FRMPD2: variants seen among roughly 807,000 people sequenced by gnomAD.
FRMPD2 encodes FERM and PDZ domain-containing protein 2.
FRMPD2 carries 96 observed loss-of-function variants against 140.1 expected under a neutral mutation model. That is an observed-to-expected ratio of 0.69 (90% confidence interval 0.58 to 0.81). The LOEUF is 0.81. Ranked by LOEUF, FRMPD2 falls within the 40% of genes least tolerant of loss-of-function variation. The pLI is 0.00. For synonymous variants in FRMPD2, 449 were observed against 547.6 expected, an observed-to-expected ratio of 0.82 and a Z score of 2.52; for missense variants, 1,240 against 1,447.4, an observed-to-expected ratio of 0.86 and a Z score of 2.32.
intron 12 of FRMPD2, among the ~76,000 whole-genome samples, chr10:48,218,191 G>A (rs1839496404): frequency 6.6e-6 from 1 of 152,120 alleles, no homozygotes; most frequent in South Asian, 2.1e-4. Flanking sequence ...TTGGATTAGG[G>A]CCCACCCTAA....
intron 12 of FRMPD2, among the ~76,000 whole-genome samples, chr10:48,218,064 G>A (rs894647841): frequency 2.0e-5 from 3 of 152,184 alleles, no homozygotes; most frequent in African/African-American, 7.2e-5. Context: ...TCTCTCCTTG[G>A]CTTGCAGAAA....
intron 11 of FRMPD2, 92 bp from the exon 12 acceptor site, chr10:48,222,543 A>G (rs1839626663): frequency 7.3e-7 from 1 of 1,365,942 alleles, no homozygotes; most frequent in African/African-American, 1.4e-5. Flanking sequence ...GGAAGTTGGA[A>G]AAGTAGGGAA....
At chr10:48,185,867 C>T (rs1838672787) in intron 17 of FRMPD2, among the ~76,000 whole-genome samples, 1 of 152,206 alleles carries the variant, frequency 6.6e-6, no homozygotes, top group African/African-American at 2.4e-5. Flanking sequence ...CTCAGTGTTG[C>T]TCAAGTTCCA....
chr10:48,197,380 C>T (rs564632624), intron 15 of FRMPD2, among the ~76,000 whole-genome samples: 24 of 152,222 alleles, frequency 1.6e-4, no homozygotes, highest in South Asian at 2.1e-4. Context: ...ACCTACAGTA[C>T]GGTCTGTGTG....
intron 2 of FRMPD2, 113 bp from the exon 3 acceptor site, chr10:48,249,291 G>T: frequency 1.1e-6 from 1 of 939,988 alleles, no homozygotes; most frequent in Non-Finnish European, 1.6e-6. Flanking sequence ...CTGAATGTGA[G>T]CAAGACCCAG....
In FRMPD2 at chr10:48,232,861, A is replaced by G. The variant is rs896398076; in HGVS notation, c.994-572T>C. 2.0e-5 allele frequency among the ~76,000 whole-genome samples: 3 copies of G among 152,060 alleles called. No homozygotes were observed. The South Asian group carries it at 6.2e-4, about 32-fold the overall frequency. ...TCCAGAGTCTGCCTTCTGCCTCTTC[A>G]TCTCCCACCACAGCCCCACCCAGAC... is the stretch of plus-strand genomic sequence containing the variant. On this transcript the variant is annotated intron_variant, in intron 9 of 28. Coordinates refer to ENST00000374201, the MANE Select transcript of FRMPD2 (RefSeq NM_001018071.4).
chr10:48,187,753 C>T (rs1469578159), intron 16 of FRMPD2, among the ~76,000 whole-genome samples: 1 of 152,144 alleles, frequency 6.6e-6, no homozygotes, highest in Non-Finnish European at 1.5e-5. Flanking sequence ...TCAGGCAGGC[C>T]AGGCACCCTC....
intron 3 of FRMPD2, among the ~76,000 whole-genome samples, 190 bp from the exon 4 acceptor site, chr10:48,245,039 C>A (rs984819978): frequency 3.3e-5 from 5 of 152,184 alleles, no homozygotes; most frequent in Non-Finnish European, 7.3e-5. Context: ...TGCTTTCTAG[C>A]AGAAACCATG....
intron 6 of FRMPD2, 91 bp downstream of exon 6, chr10:48,240,269 T>C (rs985382666): frequency 3.3e-5 from 47 of 1,411,644 alleles, no homozygotes; most frequent in African/African-American, 8.5e-5. Context: ...TTCTCTGCCA[T>C]CACAATGTGG....
At chr10:48,193,908 C>T (rs780487809) in intron 15 of FRMPD2, among the ~76,000 whole-genome samples, 10 of 151,952 alleles carry the variant, frequency 6.6e-5, no homozygotes, top group Non-Finnish European at 1.0e-4. Context: ...AAAAGCCAGC[C>T]TTTTAAAAAA....
intron 16 of FRMPD2, among the ~76,000 whole-genome samples, chr10:48,190,378 G>C (rs1342412853): frequency 6.6e-6 from 1 of 152,174 alleles, no homozygotes; most frequent in African/African-American, 2.4e-5. Flanking sequence ...AGGGAAGTAG[G>C]AGCCATTACA....
At chr10:48,195,841 C>G (rs1228812217) in intron 15 of FRMPD2, among the ~76,000 whole-genome samples, 1 of 152,252 alleles carries the variant, frequency 6.6e-6, no homozygotes, top group Admixed American at 6.5e-5. Flanking sequence ...CACCTCTGTT[C>G]TGTGCTGGAG....
At chr10:48,197,755 C>A (rs964988554) in intron 15 of FRMPD2, among the ~76,000 whole-genome samples, 1 of 152,198 alleles carries the variant, frequency 6.6e-6, no homozygotes, top group Non-Finnish European at 1.5e-5. Context: ...AAAGCCAGTG[C>A]GCAGAACCAA....
chr10:48,251,416 C>T (rs1359208988), intron 2 of FRMPD2, 150 bp downstream of exon 2: 9 of 934,160 alleles, frequency 9.6e-6, no homozygotes, highest in South Asian at 8.1e-5. Context: ...CATTCTAATA[C>T]CTCAGAGTAA....
At chr10:48,188,396 T>G (rs1033790772) in intron 16 of FRMPD2, among the ~76,000 whole-genome samples, 5 of 152,204 alleles carry the variant, frequency 3.3e-5, no homozygotes, top group Admixed American at 3.3e-4. Context: ...AGAGTAGCTT[T>G]GGAGACTGGC....
intron 10 of FRMPD2, 97 bp downstream of exon 10, chr10:48,232,018 T>C: frequency 8.7e-7 from 1 of 1,149,214 alleles, no homozygotes. Context: ...CACCCAAGTC[T>C]CAAACAGTTT....
intron 12 of FRMPD2, among the ~76,000 whole-genome samples, chr10:48,219,929 T>C (rs1839542502): frequency 6.6e-6 from 1 of 152,154 alleles, no homozygotes; most frequent in African/African-American, 2.4e-5. Flanking sequence ...TGGGCTCAAA[T>C]TTAGACTTTA....
chr10:48,216,329 T>TAGAA (rs55808202), intron 12 of FRMPD2, among the ~76,000 whole-genome samples: 6 of 151,014 alleles, frequency 4.0e-5, no homozygotes, highest in African/African-American at 9.8e-5. Flanking sequence ...GATAGATAGA[T>TAGAA]GATAAATAGA....
chr10:48,187,587 C>T (rs1428926304), intron 16 of FRMPD2, among the ~76,000 whole-genome samples: 1 of 152,198 alleles, frequency 6.6e-6, no homozygotes, highest in Non-Finnish European at 1.5e-5. Flanking sequence ...GATACGTGAT[C>T]CTGTAAACCT....
Sources: allele counts gnomAD v4.1 joint callset (sites outside exome capture counted in the v4.1 genomes callset), GRCh38; gene constraint gnomAD v4.1.1; transcripts MANE v1.5; gene names NCBI Gene and HGNC (gene_info 2026-07-23, HGNC 2026-07-21).